CSMD1: variants seen among roughly 807,000 people sequenced by gnomAD.
The protein encoded by CSMD1 is CUB and sushi domain-containing protein 1.
In CSMD1, 213 loss-of-function variants were observed where a neutral mutation model predicts 417.5. The observed-to-expected ratio is 0.51, with a 90% CI of 0.46 to 0.57. The LOEUF (loss-of-function observed/expected upper bound fraction) is 0.57, where lower values mean the gene tolerates loss of function less well. Among genes scored for constraint, CSMD1 ranks in the 20% least tolerant of loss-of-function variants. The pLI, the probability that CSMD1 is intolerant of heterozygous loss-of-function variation, is 0.00. For missense variants in CSMD1, 6,923 were observed against 4,529.7 expected (o/e 1.53, Z -15.17); for synonymous variants, 2,862 against 1,736.8 (o/e 1.65, Z -16.11).
At chr8:4,368,451 C>A (rs373572888) in intron 3 of CSMD1, among the ~76,000 whole-genome samples, 8 of 152,178 alleles carry the variant, frequency 5.3e-5, no homozygotes, top group African/African-American at 1.9e-4. Flanking sequence ...TGTGTCTCTA[C>A]CAGGGTTTTA....
intron 2 of CSMD1, among the ~76,000 whole-genome samples, chr8:4,540,377 G>T (rs1262086101): frequency 3.3e-5 from 5 of 152,002 alleles, no homozygotes; most frequent in Non-Finnish European, 7.4e-5. Context: ...AAATAAGCAT[G>T]AAAATTAAAA....
intron 7 of CSMD1, among the ~76,000 whole-genome samples, chr8:3,660,012 C>G (rs1172790308): frequency 2.6e-5 from 4 of 152,200 alleles, no homozygotes; most frequent in Non-Finnish European, 4.4e-5. Flanking sequence ...CAATACGTAT[C>G]TAATCGCCAA....
chr8:4,012,949 C>A (rs188641543), intron 4 of CSMD1, among the ~76,000 whole-genome samples: 9 of 152,166 alleles, frequency 5.9e-5, no homozygotes, highest in East Asian at 1.9e-4. Flanking sequence ...CCAAATGTGT[C>A]TGGCCATCTC....
At chr8:3,666,008 C>G (rs897938862) in intron 7 of CSMD1, among the ~76,000 whole-genome samples, 1 of 152,170 alleles carries the variant, frequency 6.6e-6, no homozygotes. Context: ...CTCCTCCTGC[C>G]TCAGCCTCCA....
intron 2 of CSMD1, among the ~76,000 whole-genome samples, chr8:4,490,299 C>G (rs1801636857): frequency 6.6e-6 from 1 of 152,122 alleles, no homozygotes; most frequent in Non-Finnish European, 1.5e-5. Context: ...TTCGGCCTCC[C>G]AAAGTGCTGG....
intron 1 of CSMD1, among the ~76,000 whole-genome samples, chr8:4,942,860 T>A (rs187484085): frequency 2.0e-5 from 3 of 152,350 alleles, no homozygotes; most frequent in Admixed American, 1.3e-4. Context: ...GACCTTTATT[T>A]GTATCCAAAA....
intron 6 of CSMD1, among the ~76,000 whole-genome samples, chr8:3,709,665 A>G (rs1433613372): frequency 3.9e-5 from 3 of 77,442 alleles, no homozygotes; most frequent in Admixed American, 1.6e-4. Context: ...GATGGGCTTT[A>G]AATTGCAGCA....
At chr8:4,263,348 T>C (rs1321275320) in intron 3 of CSMD1, among the ~76,000 whole-genome samples, 2 of 152,156 alleles carry the variant, frequency 1.3e-5, no homozygotes, top group African/African-American at 4.8e-5. Context: ...CCTGGAGTTA[T>C]GGTGAACAAA....
intron 3 of CSMD1, among the ~76,000 whole-genome samples, chr8:4,178,384 T>C (rs1297241460): frequency 6.6e-6 from 1 of 150,512 alleles, no homozygotes; most frequent in Non-Finnish European, 1.5e-5. Context: ...TCAACAACCC[T>C]TCATGCTAAA....
At chr8:3,788,028 A>G (rs1678582438) in intron 5 of CSMD1, among the ~76,000 whole-genome samples, 1 of 152,204 alleles carries the variant, frequency 6.6e-6, no homozygotes, top group African/African-American at 2.4e-5. Flanking sequence ...GTCTTTGGCT[A>G]GAGTCTTAAC....
chr8:4,895,065 A>G (rs947890309), intron 1 of CSMD1, among the ~76,000 whole-genome samples: 7 of 152,196 alleles, frequency 4.6e-5, no homozygotes, highest in African/African-American at 1.7e-4. Flanking sequence ...GTTTCTGTAC[A>G]TTAAACATGA....
chr8:4,435,788 C>T (rs1232812679), intron 2 of CSMD1, among the ~76,000 whole-genome samples: 2 of 152,158 alleles, frequency 1.3e-5, no homozygotes, highest in East Asian at 1.9e-4. Context: ...CTAAACAAGA[C>T]AATAGAAGAC....
At chr8:3,437,415 A>G (rs911189599) in intron 12 of CSMD1, among the ~76,000 whole-genome samples, 1 of 152,158 alleles carries the variant, frequency 6.6e-6, no homozygotes, top group Non-Finnish European at 1.5e-5. Flanking sequence ...GACTTATCCT[A>G]AAGGCTGAAT....
intron 10 of CSMD1, among the ~76,000 whole-genome samples, chr8:3,530,795 C>G (rs918282325): frequency 6.6e-6 from 1 of 151,808 alleles, no homozygotes; most frequent in Non-Finnish European, 1.5e-5. Context: ...TCCCAAAGTG[C>G]TACTATTACA....
intron 1 of CSMD1, among the ~76,000 whole-genome samples, chr8:4,712,004 C>T (rs1808332962): frequency 6.6e-6 from 1 of 152,068 alleles, no homozygotes; most frequent in African/African-American, 2.4e-5. Flanking sequence ...ATGTGGCTTC[C>T]TAAGAGTCTA....
rs369993082 is a variant in CSMD1 at position 3,198,079 on chromosome 8, C to T, written c.5194+1635G>A. Among the ~76,000 whole-genome samples the T allele has an allele frequency of 2.0e-5, 3 of 152,260 alleles. No homozygotes were observed. In the South Asian group the frequency reaches 6.2e-4, roughly 32 times the overall value. On this transcript the variant is annotated intron_variant, in intron 33 of 69. Transcript: ENST00000635120. ...TATAAATGATGTTCTTTTCTTTCTA[C>T]TTTTCCGTATCTTTGACATTTTGAT... is the stretch of plus-strand genomic sequence containing the variant.
chr8:4,641,697 A>G (rs1260185704), intron 1 of CSMD1, among the ~76,000 whole-genome samples: 2 of 152,178 alleles, frequency 1.3e-5, no homozygotes, highest in East Asian at 3.9e-4. Flanking sequence ...TGCATTACAG[A>G]CCTCATGTAT....
At chr8:3,363,448 G>C (rs1809331142) in intron 20 of CSMD1, among the ~76,000 whole-genome samples, 1 of 152,212 alleles carries the variant, frequency 6.6e-6, no homozygotes, top group African/African-American at 2.4e-5. Flanking sequence ...AAGAAAGGCT[G>C]CATGTCAGAG....
intron 2 of CSMD1, among the ~76,000 whole-genome samples, chr8:4,490,775 G>A (rs895429277): frequency 1.3e-5 from 2 of 152,176 alleles, no homozygotes; most frequent in African/African-American, 4.8e-5. Context: ...GCTCCACTAG[G>A]TCGGGCATAT....
Sources: allele counts gnomAD v4.1 joint callset (sites outside exome capture counted in the v4.1 genomes callset), GRCh38; gene constraint gnomAD v4.1.1; transcripts MANE v1.5; gene names NCBI Gene and HGNC (gene_info 2026-07-23, HGNC 2026-07-21).